The following RC3H1 variants were observed in gnomAD, a reference collection of about 807,000 sequenced individuals.
RC3H1 encodes ring finger and CCCH-type domains 1.
RC3H1 carries 50 observed loss-of-function variants against 138.2 expected under a neutral mutation model. That is an observed-to-expected ratio of 0.36 (90% CI 0.29 to 0.46). The LOEUF is 0.46. RC3H1 is among the 20% of genes least tolerant of loss of function. The pLI is 1.00. For missense variants in RC3H1, 1,031 were observed against 1,388.1 expected (o/e 0.74, Z 4.09); for synonymous variants, 462 against 489.1 (o/e 0.94, Z 0.73).
chr1:173,999,201 C>T (rs1193325411), intron 1 of RC3H1, among the ~76,000 whole-genome samples: 1 of 151,908 alleles, frequency 6.6e-6, no homozygotes, highest in Non-Finnish European at 1.5e-5. Context: ...CCAGCTTGAC[C>T]AACATAGAGA....
intron 13 of RC3H1, among the ~76,000 whole-genome samples, chr1:173,957,215 A>G (rs1659686861): frequency 6.6e-6 from 1 of 152,242 alleles, no homozygotes; most frequent in South Asian, 2.1e-4. Context: ...AGTAAAAATA[A>G]CAATAATAAA....
At chr1:174,007,087 G>T (rs1014531963) in intron 1 of RC3H1, among the ~76,000 whole-genome samples, 1 of 151,810 alleles carries the variant, frequency 6.6e-6, no homozygotes, top group Non-Finnish European at 1.5e-5. Flanking sequence ...AGTTTTGCCC[G>T]GTTTAAAATT....
chr1:173,942,447 A>AAAAAAAAAAAAAAG (rs1658925066), intron 18 of RC3H1, among the ~76,000 whole-genome samples: 1 of 149,372 alleles, frequency 6.7e-6, no homozygotes, highest in African/African-American at 2.5e-5. Context: ...AAAAAAAAAA[A>AAAAAAAAAAAAAAG]AAAGAAAAGA....
chr1:173,997,097 C>T (rs147853443), intron 1 of RC3H1, among the ~76,000 whole-genome samples: 1 of 152,044 alleles, frequency 6.6e-6, no homozygotes, highest in East Asian at 1.9e-4. Flanking sequence ...TGGACATGGG[C>T]ACCTGTAGTC....
At chr1:173,945,472 A>G (rs1435635635) in intron 17 of RC3H1, among the ~76,000 whole-genome samples, 3 of 152,142 alleles carry the variant, frequency 2.0e-5, no homozygotes, top group Non-Finnish European at 4.4e-5. Context: ...GTCAGGCAGC[A>G]TGATGGAAAG....
At chr1:173,974,277 CAAAAAAAAAAAAAAAAA>C (rs571801899) in intron 7 of RC3H1, among the ~76,000 whole-genome samples, 2 of 47,192 alleles carry the variant, frequency 4.2e-5, no homozygotes, top group African/African-American at 1.7e-4. Flanking sequence ...GAGACTGTCT[CAAAAAAAAAAAAAAAAA>C]AAAAAAAAAA....
chr1:174,000,808 A>AT (rs1319077826), intron 1 of RC3H1, among the ~76,000 whole-genome samples: 1 of 152,222 alleles, frequency 6.6e-6, no homozygotes, highest in Non-Finnish European at 1.5e-5. Flanking sequence ...AAGGCCTATT[A>AT]TAACACTTAA....
At chr1:174,000,147 T>C (rs550595973) in intron 1 of RC3H1, among the ~76,000 whole-genome samples, 1 of 152,358 alleles carries the variant, frequency 6.6e-6, no homozygotes, top group African/African-American at 2.4e-5. Context: ...TCAATAAAGC[T>C]GTTAAAATAG....
At position 173,975,336 on chromosome 1, in the gene RC3H1, C is replaced by T. The variant is rs150518003; in HGVS notation, c.1103-2709G>A. 5.8e-3 allele frequency among the ~76,000 whole-genome samples: 888 copies of T among 152,042 alleles called. 10 individuals carry two copies. The highest frequency in any genetic ancestry group is 0.02 in the African/African-American group (840 of 41,516). On this transcript the variant is annotated intron_variant, in intron 7 of 19. Transcript: ENST00000367696. ...GTCTTGATCTCTTGACCTTGTGATC[C>T]GCCCGCCTTGGCCTCCCAAAGTGCT...
intron 1 of RC3H1, among the ~76,000 whole-genome samples, chr1:173,997,933 A>C (rs1382179083): frequency 6.6e-6 from 1 of 152,154 alleles, no homozygotes; most frequent in Non-Finnish European, 1.5e-5. Context: ...TCTTTCTCTA[A>C]ACGCATTCTT....
chr1:173,983,293 CA>C (rs1557942427), intron 4 of RC3H1, 124 bp downstream of exon 4: 2 of 1,206,442 alleles, frequency 1.7e-6, no homozygotes, highest in South Asian at 3.0e-5. Context: ...CCATGAACAT[CA>C]AACAAGATAT....
Position 173,987,018 on chromosome 1 carries a change from G to C in RC3H1, c.232-2399C>G, listed in dbSNP as rs1661055778. Among the ~76,000 whole-genome samples the C allele has an allele frequency of 2.0e-5, 3 of 152,156 alleles. 1 individual carries two copies. The South Asian group carries it at 6.2e-4, about 32-fold the overall frequency. ...CTGTCATTTTTCTCATGAGTATATT[G>C]GGGTTATGGATTTTTGGAAGATCAT... On this transcript the variant is annotated intron_variant, in intron 2 of 19. Coordinates refer to ENST00000367696, the MANE Select transcript of RC3H1 (RefSeq NM_172071.4).
At chr1:173,956,450 G>T (rs779591820) in intron 13 of RC3H1, among the ~76,000 whole-genome samples, 1 of 151,806 alleles carries the variant, frequency 6.6e-6, no homozygotes, top group South Asian at 2.1e-4. Context: ...ACCTGAGGTC[G>T]GGAGTTTGAG....
intron 7 of RC3H1, among the ~76,000 whole-genome samples, chr1:173,976,361 G>A (rs1346166289): frequency 6.6e-6 from 1 of 151,872 alleles, no homozygotes; most frequent in African/African-American, 2.4e-5. Flanking sequence ...TAGCTACTCG[G>A]GACAAGAATT....
Position 173,984,488 on chromosome 1 carries a change from A to T in RC3H1, c.352+11T>A. The T allele has an allele frequency of 2.5e-6, 4 of 1,610,726 alleles. No homozygotes were observed. Among genetic ancestry groups the T allele is most frequent in the Non-Finnish European group, 3.4e-6 (4 of 1,179,016 alleles). On this transcript the variant is annotated intron_variant, in intron 3 of 19. Transcript: ENST00000367696. ...TTTTACTCTTTAAATAAGAAACAAA[A>T]ACAAACTTACCTCTAGCACTGCTGA...
At position 173,961,787 on chromosome 1, in the gene RC3H1, G is replaced by T. The variant is rs1342040112; in HGVS notation, c.2140C>A (p.Gln714Lys). ...YVPESRERYQ[Q>K]IESYYPVAPH... ...GCCACTGGATAGTAACTCTCGATCT[G>T]TTGGTATCTTTCTCTGGATTCTGGT... Residue 714 changes from glutamine (Q) to lysine (K), a missense_variant, in exon 12 of 20, where the codon CAG (glutamine) becomes AAG (lysine). By Grantham distance (53) the Gln-to-Lys change is moderately conservative. This residue lies in a region of RC3H1 where 716 missense variants were observed against 837.9 expected (regional missense o/e 0.85). Transcript: ENST00000367696. The T allele has an allele frequency of 6.2e-7, 1 of 1,613,372 alleles. No homozygotes were observed. Among genetic ancestry groups the T allele is most frequent in the Non-Finnish European group, 8.5e-7 (1 of 1,179,982 alleles).
intron 1 of RC3H1, among the ~76,000 whole-genome samples, chr1:173,997,053 G>A (rs1408168883): frequency 6.6e-6 from 1 of 151,858 alleles, no homozygotes. Flanking sequence ...AATCAAGTGA[G>A]ACCCCGTCTC....
At chr1:174,001,421 T>A (rs917836166) in intron 1 of RC3H1, among the ~76,000 whole-genome samples, 4 of 152,200 alleles carry the variant, frequency 2.6e-5, no homozygotes, top group Non-Finnish European at 1.5e-5. Context: ...CAGAATGATG[T>A]GACCAGACTC....
chr1:173,947,740 T>C (rs1246086421), intron 14 of RC3H1, among the ~76,000 whole-genome samples, 158 bp from the exon 15 acceptor site: 1 of 152,146 alleles, frequency 6.6e-6, no homozygotes, highest in Non-Finnish European at 1.5e-5. Flanking sequence ...AACACTGGTT[T>C]TTAAACCTCT....
Sources: gnomAD v4.1 joint callset for allele counts (sites outside exome capture counted in the v4.1 genomes callset) on GRCh38, gnomAD v4.1.1 for gene constraint, gnomAD v4.1.1 regional missense constraint, MANE v1.5 for transcripts, NCBI Gene and HGNC (gene_info 2026-07-23, HGNC 2026-07-21) for gene names.